Variants in GNAI1 observed in about 807,000 individuals in gnomAD.
The protein encoded by GNAI1 is G protein subunit alpha i1.
GNAI1 carries 11 observed loss-of-function variants against 38.9 expected under a neutral mutation model. The ratio of observed to expected loss-of-function variants is 0.28; its 90% confidence interval spans 0.18 to 0.47. GNAI1 has a LOEUF of 0.47. GNAI1 is among the 20% of genes least tolerant of loss of function. The probability of loss-of-function intolerance (pLI) is 0.99; values close to 1 mark genes in which losing one functional copy is unlikely to be tolerated. For synonymous variants in GNAI1, 166 were observed against 145.1 expected (o/e 1.14, Z -1.04); for missense variants, 317 against 436.9 (o/e 0.73, Z 2.45).
At chr7:80,148,532 A>G (rs375363182) in intron 1 of GNAI1, among the ~76,000 whole-genome samples, 1 of 17,218 alleles carries the variant, frequency 5.8e-5, no homozygotes, top group South Asian at 2.2e-3. Flanking sequence ...TTTTAAAATT[A>G]AAAAAAAAAC....
intron 1 of GNAI1, among the ~76,000 whole-genome samples, chr7:80,151,830 T>C (rs1292511050): frequency 6.6e-6 from 1 of 152,156 alleles, no homozygotes; most frequent in Non-Finnish European, 1.5e-5. Context: ...TTGAGGAGTT[T>C]CGTGGCAAAA....
At chr7:80,186,054 A>C (rs1307326515) in intron 1 of GNAI1, among the ~76,000 whole-genome samples, 1 of 114,064 alleles carries the variant, frequency 8.8e-6, no homozygotes, top group Non-Finnish European at 1.7e-5. Context: ...TTTTTTTGAG[A>C]CGGAGTCTCA....
Position 80,212,766 on chromosome 7 carries a change from GTGGT to G in GNAI1, c.773_776del (p.Trp258LeufsTer10). On this transcript the variant is annotated frameshift_variant, in exon 7 of 8. Transcript: ENST00000649796. LOFTEE classifies it high-confidence loss of function. ...TGTTTGACAGCATATGTAACAACAA[GTGGT>G]TTACAGATACATCCATTATACTTTT... 1 of 1,564,374 alleles carries G rather than the reference GTGGT, an allele frequency of 6.4e-7. No individual in the cohort carries two copies. The highest frequency in any genetic ancestry group is 8.6e-7 in the Non-Finnish European group (1 of 1,158,504).
intron 1 of GNAI1, among the ~76,000 whole-genome samples, chr7:80,156,118 T>A (rs895128329): frequency 1.3e-5 from 2 of 151,132 alleles, no homozygotes; most frequent in African/African-American, 4.9e-5. Context: ...CTCTTCCTCG[T>A]GAAATTCAAA....
At chr7:80,165,342 A>G (rs1787995337) in intron 1 of GNAI1, among the ~76,000 whole-genome samples, 1 of 152,162 alleles carries the variant, frequency 6.6e-6, no homozygotes, top group Admixed American at 6.6e-5. Flanking sequence ...CTCCACAGCT[A>G]GAGATCTGTT....
chr7:80,171,183 T>G (rs2115564256), intron 1 of GNAI1, among the ~76,000 whole-genome samples: 1 of 152,340 alleles, frequency 6.6e-6, no homozygotes, highest in Middle Eastern at 3.4e-3. Flanking sequence ...CTTTTCTGAT[T>G]AGTATTTACT....
Position 80,199,300 on chromosome 7 carries a change from A to G in GNAI1, c.379A>G (p.Ile127Val), listed in dbSNP as rs1335604046. 1 of 1,613,492 alleles carries G rather than the reference A, an allele frequency of 6.2e-7. No individual in the cohort carries two copies. ...TATGACTGCAGAACTTGCTGGAGTT[A>G]TAAAGAGATTGTGGAAAGATAGTGG... is the stretch of plus-strand genomic sequence containing the variant. ...GFMTAELAGV[I>V]KRLWKDSGVQ... Residue 127 changes from isoleucine (I) to valine (V), a missense_variant, in exon 4 of 8, where the codon ATA becomes GTA. By Grantham distance (29) the Ile-to-Val change is conservative. Around this residue, in one of 5 missense-constraint regions of GNAI1, gnomAD observed 67 missense variants for 61.5 expected, o/e 1.09. Coordinates refer to ENST00000649796, the MANE Select transcript of GNAI1 (RefSeq NM_002069.6).
intron 1 of GNAI1, among the ~76,000 whole-genome samples, chr7:80,173,589 G>A (rs1249378991): frequency 6.6e-6 from 1 of 152,110 alleles, no homozygotes; most frequent in East Asian, 1.9e-4. Flanking sequence ...CAATTGGTGT[G>A]GGGGACAGCA....
chr7:80,194,938 T>A (rs1475774016), intron 3 of GNAI1, among the ~76,000 whole-genome samples: 1 of 152,066 alleles, frequency 6.6e-6, no homozygotes, highest in African/African-American at 2.4e-5. Flanking sequence ...AGTAGTATTC[T>A]GGTTTATGTT....
chr7:80,169,365 A>G (rs1402979211), intron 1 of GNAI1, among the ~76,000 whole-genome samples: 1 of 152,244 alleles, frequency 6.6e-6, no homozygotes, highest in Non-Finnish European at 1.5e-5. Flanking sequence ...ATTTTAAAGT[A>G]ATAGACATGT....
At chr7:80,156,042 C>CAAAAAAAAA (rs1182960135) in intron 1 of GNAI1, among the ~76,000 whole-genome samples, 10 of 68,510 alleles carry the variant, frequency 1.5e-4, no homozygotes, top group African/African-American at 2.9e-4. Flanking sequence ...GACTCTGTCT[C>CAAAAAAAAA]AAAAAAAAAA....
At chr7:80,135,831 T>G (rs1787404416) in intron 1 of GNAI1, 1 of 985,224 alleles carries the variant, frequency 1.0e-6, no homozygotes. Context: ...TGGCGACTCC[T>G]TAAGTGGTCA....
At chr7:80,140,456 T>C (rs1327207867) in intron 1 of GNAI1, among the ~76,000 whole-genome samples, 1 of 152,236 alleles carries the variant, frequency 6.6e-6, no homozygotes, top group East Asian at 1.9e-4. Flanking sequence ...TTGTTACACA[T>C]GTCTAACTGC....
chr7:80,189,794 C>G (rs1353095983), intron 3 of GNAI1, among the ~76,000 whole-genome samples: 1 of 152,076 alleles, frequency 6.6e-6, no homozygotes, highest in Non-Finnish European at 1.5e-5. Context: ...AAGAAAGAAA[C>G]TAGCACCCAG....
At chr7:80,172,506 T>C (rs1788113321) in intron 1 of GNAI1, among the ~76,000 whole-genome samples, 1 of 152,302 alleles carries the variant, frequency 6.6e-6, no homozygotes, top group African/African-American at 2.4e-5. Flanking sequence ...GTCAAAAACA[T>C]ATGCTTCTAT....
chr7:80,191,887 A>G (rs544833224), intron 3 of GNAI1, among the ~76,000 whole-genome samples: 11 of 152,334 alleles, frequency 7.2e-5, no homozygotes, highest in Admixed American at 2.0e-4. Flanking sequence ...CTTAGGTGTT[A>G]TCAACATTTC....
chr7:80,144,946 G>A (rs1297741666), intron 1 of GNAI1, among the ~76,000 whole-genome samples: 2 of 152,134 alleles, frequency 1.3e-5, no homozygotes, highest in Admixed American at 1.3e-4. Context: ...AAAAGTAATG[G>A]TGGTCAGTAA....
intron 1 of GNAI1, among the ~76,000 whole-genome samples, chr7:80,173,635 C>T (rs1788134056): frequency 6.6e-6 from 1 of 152,090 alleles, no homozygotes; most frequent in Non-Finnish European, 1.5e-5. Context: ...GGCTTAAACT[C>T]ATTGTAGCAG....
intron 4 of GNAI1, 69 bp from the exon 5 acceptor site, chr7:80,203,634 AT>A (rs1788726304): frequency 1.0e-6 from 1 of 958,538 alleles, no homozygotes; most frequent in Non-Finnish European, 1.6e-6. Flanking sequence ...ATGTGTTTTA[AT>A]TTTTGTTTTG....
Sources: gnomAD v4.1 joint callset for allele counts (sites outside exome capture counted in the v4.1 genomes callset) on GRCh38, gnomAD v4.1.1 for gene constraint, gnomAD v4.1.1 regional missense constraint, MANE v1.5 for transcripts, NCBI Gene and HGNC (gene_info 2026-07-23, HGNC 2026-07-21) for gene names.